TGFA: variants seen among roughly 807,000 people sequenced by gnomAD.
TGFA encodes the protein transforming growth factor alpha.
A neutral mutation model predicts 21.7 loss-of-function variants in TGFA; 12 were observed. The ratio of observed to expected loss-of-function variants is 0.55; its 90% confidence interval spans 0.35 to 0.90. The LOEUF (loss-of-function observed/expected upper bound fraction) is 0.90, where lower values mean the gene tolerates loss of function less well. Ranked by LOEUF, TGFA falls within the 40% of genes least tolerant of loss-of-function variation. The probability of loss-of-function intolerance (pLI) is 0.01; values close to 1 mark genes in which losing one functional copy is unlikely to be tolerated. For missense variants in TGFA, 178 were observed against 210.8 expected (o/e 0.84, Z 0.96); for synonymous variants, 79 against 88.1 (o/e 0.90, Z 0.58).
At chr2:70,533,855 A>G (rs1309012211) in intron 1 of TGFA, among the ~76,000 whole-genome samples, 2 of 151,316 alleles carry the variant, frequency 1.3e-5, no homozygotes, top group Non-Finnish European at 3.0e-5. Context: ...TAAGAGACAG[A>G]TGTTTAAAAT....
At chr2:70,492,264 A>G (rs1356026715) in intron 2 of TGFA, among the ~76,000 whole-genome samples, 1 of 152,210 alleles carries the variant, frequency 6.6e-6, no homozygotes, top group Non-Finnish European at 1.5e-5. Context: ...ACCTTAACAG[A>G]TACTTGAATG....
chr2:70,526,621 G>A (rs452380), intron 1 of TGFA, among the ~76,000 whole-genome samples: 50,524 of 152,076 alleles, frequency 0.33, 10,978 homozygotes, highest in African/African-American at 0.62. Context: ...GTCAATTTAA[G>A]ACATTTTAAA....
chr2:70,486,767 T>C (rs1671283062), intron 2 of TGFA, among the ~76,000 whole-genome samples: 1 of 152,132 alleles, frequency 6.6e-6, no homozygotes, highest in Non-Finnish European at 1.5e-5. Flanking sequence ...TGCCTATTTC[T>C]TGGTGTTTTT....
At chr2:70,535,449 C>T (rs1447280419) in intron 1 of TGFA, among the ~76,000 whole-genome samples, 4 of 152,200 alleles carry the variant, frequency 2.6e-5, no homozygotes, top group Non-Finnish European at 5.9e-5. Flanking sequence ...TCTCCCACTT[C>T]GTGCTGATCT....
In TGFA at chr2:70,450,854, G is replaced by T. The variant is rs373415031; in HGVS notation, c.*5C>A. 1.8e-5 allele frequency: 29 copies of T among 1,609,692 alleles called. No homozygotes were observed. The highest frequency in any genetic ancestry group is 2.5e-5 in the Non-Finnish European group (29 of 1,177,896). ...CCACCTGGCCAAACTCCTCCTCTGG[G>T]CTCTTCAGACCACTGGCAGGAAGGA... On this transcript the variant is annotated 3_prime_UTR_variant, in exon 6 of 6. Coordinates refer to ENST00000295400, the MANE Select transcript of TGFA (RefSeq NM_003236.4).
intron 1 of TGFA, chr2:70,553,188 A>G (rs535097627): frequency 2.6e-5 from 40 of 1,536,022 alleles, no homozygotes; most frequent in Non-Finnish European, 3.5e-5. Context: ...ACCTACCCCC[A>G]AAGCTCAAGA....
chr2:70,541,504 G>A (rs1023521610), intron 1 of TGFA, among the ~76,000 whole-genome samples: 1 of 152,186 alleles, frequency 6.6e-6, no homozygotes, highest in African/African-American at 2.4e-5. Flanking sequence ...TTTACACGCT[G>A]TTTGCAGATT....
intron 2 of TGFA, among the ~76,000 whole-genome samples, chr2:70,500,268 CTT>C (rs1344578690): frequency 6.6e-6 from 1 of 152,160 alleles, no homozygotes; most frequent in Non-Finnish European, 1.5e-5. Context: ...ATCAGGAACT[CTT>C]TTACTTAAAA....
chr2:70,496,752 G>C (rs982667395), intron 2 of TGFA, among the ~76,000 whole-genome samples: 2 of 152,092 alleles, frequency 1.3e-5, no homozygotes, highest in African/African-American at 4.8e-5. Context: ...AAAATATCAA[G>C]TGTCTTGTAT....
intron 1 of TGFA, chr2:70,553,493 C>T (rs1435546124): frequency 3.6e-6 from 5 of 1,395,964 alleles, no homozygotes; most frequent in Non-Finnish European, 4.6e-6. Context: ...CAGGTGTTCT[C>T]ACGCACGGCC....
intron 1 of TGFA, among the ~76,000 whole-genome samples, chr2:70,544,908 A>C (rs1300187760): frequency 6.6e-6 from 1 of 152,176 alleles, no homozygotes; most frequent in East Asian, 1.9e-4. Flanking sequence ...AGGTGGTTAA[A>C]GCGTACAAAA....
chr2:70,529,483 G>A (rs1451988019), intron 1 of TGFA, among the ~76,000 whole-genome samples: 3 of 152,074 alleles, frequency 2.0e-5, no homozygotes, highest in African/African-American at 4.8e-5. Context: ...CATCATGGAT[G>A]TCTTTTCTGA....
At chr2:70,462,339 G>A (rs1412064850) in intron 3 of TGFA, among the ~76,000 whole-genome samples, 2 of 152,226 alleles carry the variant, frequency 1.3e-5, no homozygotes, top group African/African-American at 2.4e-5. Flanking sequence ...AAGGAGTGCC[G>A]TCAGAGGGGT....
intron 1 of TGFA, among the ~76,000 whole-genome samples, chr2:70,547,310 G>A (rs1673335814): frequency 6.6e-6 from 1 of 152,078 alleles, no homozygotes; most frequent in South Asian, 2.1e-4. Context: ...AAAAATGTTT[G>A]TTGGCTGGGC....
intron 3 of TGFA, among the ~76,000 whole-genome samples, chr2:70,460,363 T>C (rs1670372313): frequency 7.6e-6 from 1 of 131,542 alleles, no homozygotes; most frequent in Admixed American, 7.8e-5. Flanking sequence ...AAGAAAAAGG[T>C]TTGGTGACAT....
Position 70,514,811 on chromosome 2 carries a change from C to T in TGFA, c.94+48G>A, listed in dbSNP as rs781912781. The T allele has an allele frequency of 1.4e-5, 22 of 1,600,542 alleles. 1 individual carries two copies. Among genetic ancestry groups the T allele is most frequent in the East Asian group, 1.3e-4 (6 of 44,596 alleles). On this transcript the variant is annotated intron_variant, in intron 2 of 5. Coordinates refer to ENST00000295400, the MANE Select transcript of TGFA (RefSeq NM_003236.4). ...TTGAGGAGCCACACAGCAGCAGGCC[C>T]GCTCCCTTCCCACACACGATCCACA...
intron 1 of TGFA, among the ~76,000 whole-genome samples, chr2:70,540,279 AAT>A (rs1334778606): frequency 6.6e-6 from 1 of 152,214 alleles, no homozygotes; most frequent in African/African-American, 2.4e-5. Flanking sequence ...TTTCTGCCTT[AAT>A]TTTCTAGTGC....
intron 2 of TGFA, among the ~76,000 whole-genome samples, chr2:70,509,426 C>T (rs1672025046): frequency 6.6e-6 from 1 of 152,194 alleles, no homozygotes; most frequent in Non-Finnish European, 1.5e-5. Context: ...AACTTGCCAC[C>T]TAAACGTATT....
intron 2 of TGFA, among the ~76,000 whole-genome samples, chr2:70,495,848 C>T (rs1559119370): frequency 6.6e-6 from 1 of 152,146 alleles, no homozygotes; most frequent in Non-Finnish European, 1.5e-5. Context: ...ATTTTCCCCT[C>T]CTGCTCAGTA....
Sources: allele counts gnomAD v4.1 joint callset (sites outside exome capture counted in the v4.1 genomes callset), GRCh38; gene constraint gnomAD v4.1.1; transcripts MANE v1.5; gene names NCBI Gene and HGNC (gene_info 2026-07-23, HGNC 2026-07-21).